Variants in TTLL11 observed in about 807,000 individuals in gnomAD.
TTLL11 encodes tubulin polyglutamylase TTLL11.
A neutral mutation model predicts 51.7 loss-of-function variants in TTLL11; 42 were observed. The observed-to-expected ratio is 0.81, with a 90% CI of 0.64 to 1.05. The LOEUF (loss-of-function observed/expected upper bound fraction) is 1.05, where lower values mean the gene tolerates loss of function less well. Among genes scored for constraint, TTLL11 ranks in the 50% least tolerant of loss-of-function variants. The pLI, the probability that TTLL11 is intolerant of heterozygous loss-of-function variation, is 0.00. For missense variants in TTLL11, 799 were observed against 940.4 expected, an observed-to-expected ratio of 0.85 and a Z score of 1.97; for synonymous variants, 381 against 383.5, an observed-to-expected ratio of 0.99 and a Z score of 0.08.
intron 6 of TTLL11, among the ~76,000 whole-genome samples, chr9:121,967,491 G>C (rs1257144685): frequency 6.6e-6 from 1 of 152,132 alleles, no homozygotes. Context: ...CCAAGGTTCT[G>C]GGATTACAGG....
intron 6 of TTLL11, among the ~76,000 whole-genome samples, chr9:121,934,365 C>T (rs772728953): frequency 1.6e-4 from 25 of 152,110 alleles, no homozygotes; most frequent in Non-Finnish European, 3.4e-4. Context: ...ATAGCTCTTC[C>T]GAATGTTGTG....
At chr9:121,908,402 A>T (rs1840012126) in intron 6 of TTLL11, among the ~76,000 whole-genome samples, 1 of 152,222 alleles carries the variant, frequency 6.6e-6, no homozygotes, top group African/African-American at 2.4e-5. Context: ...GCAGCATCAT[A>T]ACATGGCTCA....
rs182523001 is a variant in TTLL11 at position 121,822,814 on chromosome 9, G to T, written c.1906C>A (p.Pro636Thr). 7.7e-6 allele frequency: 12 copies of T among 1,551,698 alleles called. No individual in the cohort carries two copies. The Admixed American group carries it at 2.4e-4, about 30-fold the overall frequency. The change falls in exon 9 of 9, where the codon CCA becomes ACA. Residue 636 changes from proline (P) to threonine (T), a missense_variant. By Grantham distance (38) the Pro-to-Thr change is conservative (BLOSUM62 -1). Around this residue, in one of 3 missense-constraint regions of TTLL11, gnomAD observed 165 missense variants for 166.1 expected, o/e 0.99. Transcript: ENST00000321582. The surrounding 1 kb of genome is among the most constrained non-coding windows in gnomAD (Gnocchi z 5.8). ...FLAQRKFKML[P>T]LHEQVASLID... ...AGTGAGGCCACCTGCTCATGAAGTG[G>T]CAGCATCTTGAACTTCCTCTGAGCC...
In TTLL11 at chr9:121,999,122, G is replaced by A. The variant is rs115301071; in HGVS notation, c.694-9352C>T. On this transcript the variant is annotated intron_variant, in intron 3 of 8. Coordinates refer to ENST00000321582, the MANE Select transcript of TTLL11 (RefSeq NM_001139442.2). Reference sequence around the variant, plus strand: ...TCACTGGAAGAGCCTTAATGGAGGCGGACTCAGTAAATGCTTATGGGAACC... The same window carrying A: ...TCACTGGAAGAGCCTTAATGGAGGCAGACTCAGTAAATGCTTATGGGAACC... 4.0e-3 allele frequency among the ~76,000 whole-genome samples: 603 copies of A among 152,202 alleles called. 6 individuals carry two copies. The highest frequency in any genetic ancestry group is 0.012 in the African/African-American group (509 of 41,532).
chr9:122,012,922 T>C (rs1564357545), intron 3 of TTLL11, among the ~76,000 whole-genome samples: 1 of 152,362 alleles, frequency 6.6e-6, no homozygotes, highest in East Asian at 1.9e-4. Flanking sequence ...CATTTGAAAC[T>C]GCAAATCCTT....
chr9:121,944,245 C>T (rs558822691), intron 6 of TTLL11, among the ~76,000 whole-genome samples: 3 of 152,294 alleles, frequency 2.0e-5, no homozygotes, highest in East Asian at 1.9e-4. Context: ...CGGTGGCTCA[C>T]GCCTGTAATC....
rs189480867 is a variant in TTLL11, at chr9:121,852,791, T to A, written c.1840+7546A>T. Among the ~76,000 whole-genome samples, 6 of 152,288 alleles carry A rather than the reference T, an allele frequency of 3.9e-5. No individual in the cohort carries two copies. The East Asian group carries it at 1.2e-3, about 29-fold the overall frequency. The stretch of plus-strand genomic sequence containing the variant: ...GCTCTCTTGCTTTTATTAAAAATAA[T>A]TCTGACGCCAACTATTTTGTAAGCG... On this transcript the variant is annotated intron_variant, in intron 8 of 8. Coordinates refer to ENST00000321582, the MANE Select transcript of TTLL11 (RefSeq NM_001139442.2).
chr9:121,964,648 T>C (rs1447662251), intron 6 of TTLL11, among the ~76,000 whole-genome samples: 1 of 152,096 alleles, frequency 6.6e-6, no homozygotes. Flanking sequence ...GGTTTCCATC[T>C]AGCTCCCACC....
intron 3 of TTLL11, among the ~76,000 whole-genome samples, chr9:122,011,633 T>C (rs1843793583): frequency 6.6e-6 from 1 of 152,074 alleles, no homozygotes; most frequent in African/African-American, 2.4e-5. Flanking sequence ...CAGAAGTGGT[T>C]AGGGGTACAT....
intron 4 of TTLL11, among the ~76,000 whole-genome samples, chr9:121,979,059 T>C (rs1473929614): frequency 6.6e-6 from 1 of 152,138 alleles, no homozygotes; most frequent in Admixed American, 6.5e-5. Context: ...TCACCTCTAA[T>C]ATTGGGTTAT....
intron 8 of TTLL11, among the ~76,000 whole-genome samples, chr9:121,824,729 A>G (rs142404221): frequency 6.6e-6 from 1 of 152,170 alleles, no homozygotes. Flanking sequence ...GAAAGGTGAC[A>G]GTAAGGTTGG....
intron 3 of TTLL11, among the ~76,000 whole-genome samples, chr9:121,996,285 C>A (rs1218802545): frequency 6.6e-6 from 1 of 152,178 alleles, no homozygotes; most frequent in African/African-American, 2.4e-5. Flanking sequence ...CTTTCTTTGC[C>A]TGTAAAGCTC....
intron 7 of TTLL11, among the ~76,000 whole-genome samples, chr9:121,860,666 A>G (rs952217279): frequency 3.3e-5 from 5 of 152,226 alleles, no homozygotes; most frequent in African/African-American, 1.2e-4. Context: ...AGGAAGAGAC[A>G]CTAGAGAGCC....
intron 6 of TTLL11, among the ~76,000 whole-genome samples, chr9:121,959,346 A>G (rs1283825500): frequency 1.3e-5 from 2 of 151,986 alleles, no homozygotes; most frequent in African/African-American, 2.4e-5. Flanking sequence ...AATGGGCCAC[A>G]CCTCCTCATG....
At chr9:121,873,614 GCCTCCT>G (rs71370698) in intron 6 of TTLL11, among the ~76,000 whole-genome samples, 35 of 144,124 alleles carry the variant, frequency 2.4e-4, no homozygotes, top group Admixed American at 8.3e-4. Flanking sequence ...GCCCAGTCCC[GCCTCCT>G]CCTCCTCCTC....
intron 1 of TTLL11, among the ~76,000 whole-genome samples, chr9:122,071,952 G>A (rs1845740192): frequency 6.6e-6 from 1 of 152,102 alleles, no homozygotes; most frequent in East Asian, 1.9e-4. Flanking sequence ...CTCAAGGAGG[G>A]TGTCCCCACT....
At chr9:121,860,984 G>A (rs916582563) in intron 7 of TTLL11, among the ~76,000 whole-genome samples, 1 of 152,128 alleles carries the variant, frequency 6.6e-6, no homozygotes, top group Non-Finnish European at 1.5e-5. Context: ...AGGCAGTGAT[G>A]TAAGTGAGGT....
intron 6 of TTLL11, among the ~76,000 whole-genome samples, chr9:121,948,576 C>T (rs1183882400): frequency 1.3e-5 from 2 of 152,234 alleles, no homozygotes; most frequent in Middle Eastern, 3.4e-3. Flanking sequence ...CATTTAACAT[C>T]GATCCTTGTA....
rs758189449 is a variant in TTLL11, at chr9:121,976,932, G to A, written c.1270-1953C>T. On this transcript the variant is annotated intron_variant, in intron 4 of 8. Transcript: ENST00000321582. Reference sequence around the variant, plus strand: ...TGGTGACATCATCAGTCTAACTCCAGACCTGGTCTGAGACATGTGATGTTG... The same window carrying A: ...TGGTGACATCATCAGTCTAACTCCAAACCTGGTCTGAGACATGTGATGTTG... Among the ~76,000 whole-genome samples the A allele has an allele frequency of 3.3e-5, 5 of 152,336 alleles. No individual in the cohort carries two copies. The South Asian group carries it at 1.0e-3, about 32-fold the overall frequency.
Sources: gnomAD v4.1 joint callset for allele counts (sites outside exome capture counted in the v4.1 genomes callset) on GRCh38, gnomAD v4.1.1 for gene constraint, gnomAD v4.1.1 regional missense constraint, Gnocchi (gnomAD v3.1) non-coding constraint, MANE v1.5 for transcripts, NCBI Gene and HGNC (gene_info 2026-07-23, HGNC 2026-07-21) for gene names.